GTF2F2: variants seen among roughly 807,000 people sequenced by gnomAD.
GTF2F2 encodes the protein general transcription factor IIF subunit 2.
Under a neutral mutation model 42.2 loss-of-function variants are expected in GTF2F2, and 23 were observed. The observed-to-expected ratio is 0.55, with a 90% CI of 0.39 to 0.77. The LOEUF (loss-of-function observed/expected upper bound fraction) is 0.77. GTF2F2 is among the 30% of genes least tolerant of loss of function. GTF2F2 has a pLI of 0.00. For missense variants in GTF2F2, 261 were observed against 287.2 expected, an observed-to-expected ratio of 0.91 and a Z score of 0.66; for synonymous variants, 105 against 100.8, an observed-to-expected ratio of 1.04 and a Z score of -0.25.
chr13:45,225,809 A>G (rs1874323064), intron 5 of GTF2F2, among the ~76,000 whole-genome samples: 1 of 152,146 alleles, frequency 6.6e-6, no homozygotes, highest in African/African-American at 2.4e-5. Context: ...ACAATGGATT[A>G]TTGTCATATA....
At chr13:45,217,276 T>A (rs1873933311) in intron 5 of GTF2F2, among the ~76,000 whole-genome samples, 1 of 136,604 alleles carries the variant, frequency 7.3e-6, no homozygotes, top group South Asian at 2.3e-4. Flanking sequence ...CCAGCCTAGG[T>A]GACAGAGCGA....
intron 6 of GTF2F2, among the ~76,000 whole-genome samples, chr13:45,266,631 G>A (rs556240329): frequency 1.4e-4 from 21 of 152,276 alleles, no homozygotes; most frequent in East Asian, 3.9e-4. Context: ...CCAGTTAACC[G>A]CACTGAATTG....
intron 4 of GTF2F2, chr13:45,194,777 A>G (rs1325754809): frequency 1.9e-5 from 11 of 567,802 alleles, no homozygotes; most frequent in Non-Finnish European, 3.5e-5. Flanking sequence ...GGAAAAGAGA[A>G]TTTGCATTTA....
chr13:45,207,586 T>G, intron 5 of GTF2F2, 81 bp downstream of exon 5: 1 of 852,140 alleles, frequency 1.2e-6, no homozygotes, highest in Non-Finnish European at 2.0e-6. Flanking sequence ...GCCTATTGAC[T>G]GCATTAAAAC....
At chr13:45,175,148 T>C (rs755352272) in intron 4 of GTF2F2, among the ~76,000 whole-genome samples, 12 of 152,218 alleles carry the variant, frequency 7.9e-5, no homozygotes, top group Non-Finnish European at 1.5e-4. Flanking sequence ...TCTCCTTCTG[T>C]GAAATCAACT....
intron 4 of GTF2F2, among the ~76,000 whole-genome samples, chr13:45,167,209 C>A (rs992281439): frequency 1.3e-5 from 2 of 148,892 alleles, no homozygotes; most frequent in Non-Finnish European, 3.0e-5. Context: ...CCTACAGACA[C>A]ATACTATACA....
Position 45,201,200 on chromosome 13 carries a change from C to G in GTF2F2, c.305-6224C>G, listed in dbSNP as rs546435059. Reference sequence around the variant, plus strand: ...TTTAAAAAAAGTGCCAGTATCATTTCTCCTCAGTTCTTTGACATAGAGTGT... The same window carrying G: ...TTTAAAAAAAGTGCCAGTATCATTTGTCCTCAGTTCTTTGACATAGAGTGT... On this transcript the variant is annotated intron_variant, in intron 4 of 7. Transcript: ENST00000340473. Among the ~76,000 whole-genome samples the G allele has an allele frequency of 2.0e-5, 3 of 152,320 alleles. No individual in the cohort carries two copies. In the East Asian group the frequency reaches 5.8e-4, roughly 29 times the overall value.
chr13:45,243,472 A>C (rs1875425414), intron 5 of GTF2F2, among the ~76,000 whole-genome samples: 1 of 152,208 alleles, frequency 6.6e-6, no homozygotes, highest in South Asian at 2.1e-4. Context: ...TTCATTTGCC[A>C]CACCCTCCAC....
chr13:45,218,435 A>G (rs564847251), intron 5 of GTF2F2, among the ~76,000 whole-genome samples: 28 of 152,228 alleles, frequency 1.8e-4, no homozygotes, highest in Non-Finnish European at 3.8e-4. Context: ...GCCATCTGTC[A>G]GAAAATTGAC....
At chr13:45,169,540 T>G (rs1343081323) in intron 4 of GTF2F2, among the ~76,000 whole-genome samples, 1 of 152,254 alleles carries the variant, frequency 6.6e-6, no homozygotes, top group Non-Finnish European at 1.5e-5. Context: ...GATTTAATAC[T>G]TGTGATTTAG....
chr13:45,175,649 G>C (rs1292811725), intron 4 of GTF2F2, among the ~76,000 whole-genome samples: 2 of 152,004 alleles, frequency 1.3e-5, no homozygotes, highest in African/African-American at 4.8e-5. Context: ...TGAGATGAAG[G>C]TTCGCTCTTT....
chr13:45,181,457 C>T (rs1872164869), intron 4 of GTF2F2, among the ~76,000 whole-genome samples: 1 of 152,064 alleles, frequency 6.6e-6, no homozygotes, highest in East Asian at 1.9e-4. Context: ...TAACCAAGAA[C>T]ATTTTAAGCA....
At chr13:45,255,928 A>C (rs1220715079) in intron 6 of GTF2F2, among the ~76,000 whole-genome samples, 3 of 152,196 alleles carry the variant, frequency 2.0e-5, no homozygotes, top group Non-Finnish European at 4.4e-5. Flanking sequence ...TGCACTATAA[A>C]AGGATATATC....
intron 4 of GTF2F2, among the ~76,000 whole-genome samples, chr13:45,159,453 C>T (rs112487689): frequency 2.6e-5 from 4 of 152,306 alleles, no homozygotes; most frequent in East Asian, 1.9e-4. Context: ...CGCAGTGGCG[C>T]GATCTCGGCT....
chr13:45,202,248 G>A (rs58920855), intron 4 of GTF2F2, among the ~76,000 whole-genome samples: 2 of 152,054 alleles, frequency 1.3e-5, no homozygotes, highest in African/African-American at 4.8e-5. Context: ...TTAGCCTGGC[G>A]CAGTGGCACA....
chr13:45,280,459 T>G (rs1877216127), intron 7 of GTF2F2, among the ~76,000 whole-genome samples: 1 of 152,234 alleles, frequency 6.6e-6, no homozygotes, highest in African/African-American at 2.4e-5. Flanking sequence ...CTAATTTATT[T>G]GATTAGAGTA....
chr13:45,267,425 C>T (rs542609993), intron 7 of GTF2F2, 49 bp downstream of exon 7: 8 of 1,239,112 alleles, frequency 6.5e-6, no homozygotes, highest in Admixed American at 4.5e-5. Context: ...CCTTCATTAA[C>T]ACGACATTAC....
intron 5 of GTF2F2, among the ~76,000 whole-genome samples, chr13:45,251,970 G>A (rs1387543658): frequency 1.3e-5 from 2 of 152,068 alleles, no homozygotes; most frequent in Non-Finnish European, 2.9e-5. Context: ...AATTTACTGT[G>A]CTGATATACC....
intron 7 of GTF2F2, among the ~76,000 whole-genome samples, chr13:45,277,288 GTAT>G (rs1262189353): frequency 2.6e-5 from 4 of 152,242 alleles, no homozygotes; most frequent in African/African-American, 9.6e-5. Flanking sequence ...TGTACGGGAA[GTAT>G]GATGCTGGCA....
Sources: allele counts gnomAD v4.1 joint callset (sites outside exome capture counted in the v4.1 genomes callset), GRCh38; gene constraint gnomAD v4.1.1; transcripts MANE v1.5; gene names NCBI Gene and HGNC (gene_info 2026-07-23, HGNC 2026-07-21).